Variants in TNRC18 observed in about 807,000 individuals in gnomAD.
TNRC18 encodes the protein trinucleotide repeat-containing gene 18 protein.
A neutral mutation model predicts 226.7 loss-of-function variants in TNRC18; 69 were observed. The ratio of observed to expected loss-of-function variants is 0.30; its 90% CI spans 0.25 to 0.37. The LOEUF (loss-of-function observed/expected upper bound fraction) is 0.37, where lower values mean the gene tolerates loss of function less well. TNRC18 is among the 10% of genes least tolerant of loss of function. The pLI, the probability that TNRC18 is intolerant of heterozygous loss-of-function variation, is 1.00. For synonymous variants in TNRC18, 2,449 were observed against 1,927.6 expected (o/e 1.27, Z -7.09); for missense variants, 4,754 against 4,256.6 (o/e 1.12, Z -3.25).
chr7:5,388,336 C>T lies in TNRC18; in HGVS notation c.1488G>A (p.Leu496=), dbSNP rs1327314394. 9 of 1,595,006 alleles carry T rather than the reference C, an allele frequency of 5.6e-6. No homozygotes were observed. The highest frequency in any genetic ancestry group is 1.7e-4 in the Middle Eastern group (1 of 6,024). ...CGGTGGGCGGGGGGCGCCCGGGCTC[C>T]AGGCCGAAGAGCTTGGCGGCCTGTT... ...AAQQAAKLFG[L]EPGRPPPTGP... Residue 496 remains leucine, a synonymous_variant, in exon 5 of 30, where the codon CTG becomes CTA. Coordinates refer to ENST00000430969, the MANE Select transcript of TNRC18 (RefSeq NM_001080495.3).
intron 24 of TNRC18, among the ~76,000 whole-genome samples, chr7:5,317,843 C>A (rs1031601896): frequency 1.3e-5 from 2 of 151,462 alleles, no homozygotes; most frequent in Admixed American, 1.3e-4. Flanking sequence ...GTAGCTAGGA[C>A]AACAGGTGCA....
At chr7:5,345,517 G>GCCCTCCCCC in intron 18 of TNRC18, 45 bp downstream of exon 18, 1 of 377,744 alleles carries the variant, frequency 2.6e-6, no homozygotes, top group South Asian at 4.4e-5. Context: ...AATGGCGTCC[G>GCCCTCCCCC]CCCCTCCCAC....
At chr7:5,373,756 G>C (rs1015706717) in intron 10 of TNRC18, among the ~76,000 whole-genome samples, 1 of 152,192 alleles carries the variant, frequency 6.6e-6, no homozygotes, top group African/African-American at 2.4e-5. Flanking sequence ...AGCGCCGACT[G>C]CATGCTGAGC....
chr7:5,380,900 G>T (rs1018014656), intron 5 of TNRC18, among the ~76,000 whole-genome samples: 1 of 152,180 alleles, frequency 6.6e-6, no homozygotes, highest in East Asian at 1.9e-4. Context: ...CACCTGAGGG[G>T]GCCACCCTCA....
intron 2 of TNRC18, among the ~76,000 whole-genome samples, chr7:5,400,974 T>C (rs1781045380): frequency 6.6e-6 from 1 of 152,162 alleles, no homozygotes; most frequent in Non-Finnish European, 1.5e-5. Context: ...CACAGGAGGC[T>C]GAGGCTGCAG....
chr7:5,343,625 C>T (rs145813853), intron 18 of TNRC18, among the ~76,000 whole-genome samples: 2 of 152,292 alleles, frequency 1.3e-5, no homozygotes, highest in Non-Finnish European at 2.9e-5. Flanking sequence ...TGGGGTCTCG[C>T]TCTGTTGCCC....
chr7:5,413,105 A>T (rs1330248526), intron 2 of TNRC18, among the ~76,000 whole-genome samples: 1 of 152,174 alleles, frequency 6.6e-6, no homozygotes, highest in African/African-American at 2.4e-5. Flanking sequence ...ACCTGTGCTG[A>T]GAACAGCTCC....
In TNRC18 at chr7:5,371,183, G is replaced by T. The variant is rs114987874; in HGVS notation, c.3411C>A (p.Pro1137=). 28 of 1,606,120 alleles carry T rather than the reference G, an allele frequency of 1.7e-5. No individual in the cohort carries two copies. The African/African-American group carries it at 3.6e-4, about 21-fold the overall frequency. The change falls in exon 11 of 30, where the codon CCC becomes CCA. Residue 1137 remains proline (P), a synonymous_variant. Coordinates refer to ENST00000430969, the MANE Select transcript of TNRC18 (RefSeq NM_001080495.3). ...SPEDKPIRLS[P]SKITEPLREG... is the part of the protein sequence containing the mutation. ...CCCGCAGCGGCTCTGTGATCTTGGA[G>T]GGGGACAAGCGGATGGGCTTGTCTT...
intron 27 of TNRC18, among the ~76,000 whole-genome samples, chr7:5,310,997 T>C (rs1327309529): frequency 6.6e-6 from 1 of 151,724 alleles, no homozygotes; most frequent in Non-Finnish European, 1.5e-5. Flanking sequence ...TGGATGCACG[T>C]GCACGCATGT....
intron 25 of TNRC18, among the ~76,000 whole-genome samples, chr7:5,315,416 GTT>G (rs10601250): frequency 0.18 from 26,786 of 147,402 alleles, 2,895 homozygotes; most frequent in African/African-American, 0.26. Context: ...CTTTTGTTGG[GTT>G]TTTTTTTTTT....
At chr7:5,417,911 A>G (rs1234465548) in intron 2 of TNRC18, among the ~76,000 whole-genome samples, 1 of 152,202 alleles carries the variant, frequency 6.6e-6, no homozygotes, top group Non-Finnish European at 1.5e-5. Context: ...GGATCTGATC[A>G]GACCCTGGAG....
Position 5,339,888 on chromosome 7 carries a change from G to A in TNRC18, c.5719+5674C>T, listed in dbSNP as rs150794679. 2.2e-3 allele frequency among the ~76,000 whole-genome samples: 328 copies of A among 150,826 alleles called. 2 individuals carry two copies. Among genetic ancestry groups the A allele is most frequent in the African/African-American group, 7.6e-3 (313 of 41,078 alleles). On this transcript the variant is annotated intron_variant, in intron 18 of 29. Coordinates refer to ENST00000430969, the MANE Select transcript of TNRC18 (RefSeq NM_001080495.3). ...CCCGGCTGTATGTTCTTTATATAGCGAGGAAGAAAAAAAAAAAAAGTGTGT... is the reference window on the plus strand; with the variant it reads ...CCCGGCTGTATGTTCTTTATATAGCAAGGAAGAAAAAAAAAAAAAGTGTGT...
Position 5,374,119 on chromosome 7 carries a change from C to A in TNRC18, c.3165G>T (p.Val1055=). The A allele has an allele frequency of 6.4e-7, 1 of 1,570,730 alleles. No individual in the cohort carries two copies. Among genetic ancestry groups the A allele is most frequent in the Non-Finnish European group, 8.6e-7 (1 of 1,161,218 alleles). ...CCAACTCCAAGTCTTTCTTCTCGAC[C>A]ACATTCTCGGGAGCCTCCTCCTTGC... is the stretch of plus-strand genomic sequence containing the variant. ...ITRKEEAPEN[V]VEKKDLELEK... The change falls in exon 10 of 30, where the codon GTG becomes GTT. Residue 1055 remains valine (V), a synonymous_variant. Coordinates refer to ENST00000430969, the MANE Select transcript of TNRC18 (RefSeq NM_001080495.3).
chr7:5,393,435 G>C (rs1780441407), intron 3 of TNRC18, among the ~76,000 whole-genome samples: 1 of 152,238 alleles, frequency 6.6e-6, no homozygotes, highest in Admixed American at 6.5e-5. Flanking sequence ...GGCTGAACCT[G>C]TCTCCTCCTG....
chr7:5,356,861 G>C lies in TNRC18; in HGVS notation c.5194+55C>G. On this transcript the variant is annotated intron_variant, in intron 16 of 29. Coordinates refer to ENST00000430969, the MANE Select transcript of TNRC18 (RefSeq NM_001080495.3). ...GGGAAGGAGGACGGTGGAGAGAAGAGGGGAGAAAAGGAGAGAAGCAGCGGA... is the reference window on the plus strand; with the variant it reads ...GGGAAGGAGGACGGTGGAGAGAAGACGGGAGAAAAGGAGAGAAGCAGCGGA... The C allele has an allele frequency of 6.8e-6, 10 of 1,478,096 alleles. No homozygotes were observed. The South Asian group carries it at 1.2e-4, about 18-fold the overall frequency. The allele number at this position is 1,478,096 out of a possible 1,614,324, so 91.6% of individuals were successfully genotyped here.
In TNRC18 at chr7:5,388,909, G is replaced by A. The variant is rs1416026472; in HGVS notation, c.915C>T (p.Ala305=). The change falls in exon 5 of 30, where the codon GCC becomes GCT. Residue 305 remains alanine (A), a synonymous_variant. Coordinates refer to ENST00000430969, the MANE Select transcript of TNRC18 (RefSeq NM_001080495.3). ...ALVAEAGRGG[A]KEAARQDEGA... ...CCTCGTCCTGCCGGGCAGCCTCCTT[G>A]GCACCCCCGCGCCCCGCTTCGGCCA... 1 of 1,366,344 alleles carries A rather than the reference G, an allele frequency of 7.3e-7. No homozygotes were observed. Among genetic ancestry groups the A allele is most frequent in the Non-Finnish European group, 9.5e-7 (1 of 1,055,634 alleles). The allele number at this position is 1,366,344 out of a possible 1,614,324, so 84.6% of individuals were successfully genotyped here.
In TNRC18 at chr7:5,388,811, G is replaced by A. The variant is rs1443282621; in HGVS notation, c.1013C>T (p.Pro338Leu). 20 of 1,188,996 alleles carry A rather than the reference G, an allele frequency of 1.7e-5. No homozygotes were observed. The East Asian group carries it at 5.5e-4, about 33-fold the overall frequency. 73.7% of individuals were successfully genotyped at this position (1,188,996 alleles called of 1,614,324 possible). A position where few individuals can be genotyped will look rare whatever the true frequency, so the allele number is the denominator to read the frequency against. Residue 338 changes from proline to leucine, a missense_variant, in exon 5 of 30, where the codon CCG becomes CTG. Coordinates refer to ENST00000430969, the MANE Select transcript of TNRC18 (RefSeq NM_001080495.3). Reference sequence around the variant, plus strand: ...AGGAGGCCCCTTGGGGGGCGCGGGCGGCGGGGGCAGCGGTGAGGGGCAGGG... The same window carrying A: ...AGGAGGCCCCTTGGGGGGCGCGGGCAGCGGGGGCAGCGGTGAGGGGCAGGG... ...PRPCPSPLPP[P>L]PAPPKGPPAP... is the part of the protein sequence containing the mutation.
Position 5,320,614 on chromosome 7 carries a change from G to A in TNRC18, c.6561-7C>T. 2 of 1,610,772 alleles carry A rather than the reference G, an allele frequency of 1.2e-6. No homozygotes were observed. The highest frequency in any genetic ancestry group is 1.1e-5 in the South Asian group (1 of 90,618). On this transcript the variant is annotated splice_polypyrimidine_tract_variant and splice_region_variant and intron_variant, in intron 22 of 29. Transcript: ENST00000430969. ...CTCCACCACCACGCGGTATCTGTAGGAGCAAACGAGGCGTGAGGTGGCAGA... is the reference window on the plus strand; with the variant it reads ...CTCCACCACCACGCGGTATCTGTAGAAGCAAACGAGGCGTGAGGTGGCAGA...
At chr7:5,364,087 G>A (rs1793362494) in intron 11 of TNRC18, among the ~76,000 whole-genome samples, 1 of 152,104 alleles carries the variant, frequency 6.6e-6, no homozygotes, top group Admixed American at 6.6e-5. Flanking sequence ...AATTTGAGGT[G>A]AGCAGTTTTG....
Sources: gnomAD v4.1 joint callset for allele counts (sites outside exome capture counted in the v4.1 genomes callset) on GRCh38, gnomAD v4.1.1 for gene constraint, MANE v1.5 for transcripts, NCBI Gene and HGNC (gene_info 2026-07-23, HGNC 2026-07-21) for gene names.